MKNK1: variants seen among roughly 807,000 people sequenced by gnomAD.
MKNK1 encodes MAP kinase-interacting serine/threonine-protein kinase 1.
In MKNK1, 30 loss-of-function variants were observed where a neutral mutation model predicts 49.3. The ratio of observed to expected loss-of-function variants is 0.61; its 90% CI spans 0.46 to 0.83. The LOEUF (loss-of-function observed/expected upper bound fraction) is 0.83. Among genes scored for constraint, MKNK1 ranks in the 40% least tolerant of loss-of-function variants. The pLI is 0.00. For synonymous variants in MKNK1, 176 were observed against 201.7 expected, an observed-to-expected ratio of 0.87 and a Z score of 1.08; for missense variants, 423 against 524.7, an observed-to-expected ratio of 0.81 and a Z score of 1.89.
intron 1 of MKNK1, among the ~76,000 whole-genome samples, chr1:46,597,700 G>C (rs1216459303): frequency 6.6e-6 from 1 of 152,206 alleles, no homozygotes; most frequent in Non-Finnish European, 1.5e-5. Context: ...CCAGGGACAG[G>C]GTAGAGACTA....
chr1:46,559,474 C>T (rs1423021749), intron 12 of MKNK1, among the ~76,000 whole-genome samples: 1 of 152,190 alleles, frequency 6.6e-6, no homozygotes, highest in African/African-American at 2.4e-5. Flanking sequence ...GGCAGTCCAG[C>T]TGTAAAAGGG....
At chr1:46,563,789 T>G (rs1443355040) in intron 9 of MKNK1, among the ~76,000 whole-genome samples, 1 of 152,166 alleles carries the variant, frequency 6.6e-6, no homozygotes, top group Non-Finnish European at 1.5e-5. Context: ...CTCACGCCTG[T>G]AATCCCAGCA....
In MKNK1 at chr1:46,558,437, A is replaced by T; in HGVS notation, c.*138T>A. 1 of 855,720 alleles carries T rather than the reference A, an allele frequency of 1.2e-6. No homozygotes were observed. The highest frequency in any genetic ancestry group is 1.7e-6 in the Non-Finnish European group (1 of 575,346). The allele number at this position is 855,720 out of a possible 1,614,324, so 53.0% of individuals were successfully genotyped here. The stretch of plus-strand genomic sequence containing the variant: ...GGAAATGGGGGTTGATGGGAACCTC[A>T]GGGCCTTCGTAGATGAAAAAGCCTG... On this transcript the variant is annotated 3_prime_UTR_variant, in exon 13 of 13. Coordinates refer to ENST00000371945, the MANE Select transcript of MKNK1 (RefSeq NM_001135553.4).
intron 7 of MKNK1, chr1:46,569,484 A>C (rs997496891): frequency 4.6e-5 from 7 of 152,254 alleles, no homozygotes; most frequent in Non-Finnish European, 8.8e-5. Flanking sequence ...TGGAAGGCTG[A>C]GCAAGAGTCA....
chr1:46,587,819 A>G (rs912008193), intron 2 of MKNK1, among the ~76,000 whole-genome samples: 10 of 151,876 alleles, frequency 6.6e-5, no homozygotes, highest in African/African-American at 2.4e-4. Context: ...CTCCGTCTCA[A>G]AAAAAAAACA....
chr1:46,576,934 G>C (rs1671054971), intron 4 of MKNK1, among the ~76,000 whole-genome samples: 2 of 152,242 alleles, frequency 1.3e-5, no homozygotes, highest in African/African-American at 4.8e-5. Context: ...GGGAGACTGA[G>C]GCAGCCGGCA....
chr1:46,588,963 A>G (rs1400954163), intron 2 of MKNK1, among the ~76,000 whole-genome samples: 1 of 152,242 alleles, frequency 6.6e-6, no homozygotes, highest in Non-Finnish European at 1.5e-5. Flanking sequence ...GTTTCCTTGT[A>G]TATGAAATGA....
Position 46,594,246 on chromosome 1 carries a change from A to G in MKNK1, c.-136T>C. 1.1e-6 allele frequency: 1 copy of G among 899,164 alleles called. No homozygotes were observed. The highest frequency in any genetic ancestry group is 1.9e-6 in the Non-Finnish European group (1 of 533,234). The allele number at this position is 899,164 out of a possible 1,614,324, so 55.7% of individuals were successfully genotyped here. The stretch of plus-strand genomic sequence containing the variant: ...CAATGGCCTTTGTGCGTAGGTGGCA[A>G]TCTTCAGTTCTCCATCGGCCTCTGA... On this transcript the variant is annotated 5_prime_UTR_variant, in exon 2 of 13. Coordinates refer to ENST00000371945, the MANE Select transcript of MKNK1 (RefSeq NM_001135553.4).
Position 46,566,777 on chromosome 1 carries a change from G to A in MKNK1, c.514-1641C>T, listed in dbSNP as rs527428479. 8.3e-4 allele frequency among the ~76,000 whole-genome samples: 127 copies of A among 152,204 alleles called. 1 individual carries two copies. The highest frequency in any genetic ancestry group is 3.1e-3 in the South Asian group (15 of 4,826). The stretch of plus-strand genomic sequence containing the variant: ...TTTCATGTACTTGTTGGACATTTGT[G>A]TACCTTATTTGGAGAAATGTCTGTT... On this transcript the variant is annotated intron_variant, in intron 8 of 12. Transcript: ENST00000371945.
intron 9 of MKNK1, chr1:46,563,046 C>T (rs1570029279): frequency 1.8e-6 from 1 of 543,680 alleles, no homozygotes; most frequent in Non-Finnish European, 3.2e-6. Context: ...TTCCATCATC[C>T]AGAGGAGCAG....
intron 7 of MKNK1, 57 bp from the exon 8 acceptor site, chr1:46,568,555 CCA>C: frequency 1.3e-6 from 2 of 1,490,176 alleles, no homozygotes; most frequent in Non-Finnish European, 1.9e-6. Flanking sequence ...ATCAAACATT[CCA>C]CACACAATTA....
chr1:46,603,660 C>T lies in MKNK1; in HGVS notation c.-171+525G>A, dbSNP rs181404191. On this transcript the variant is annotated intron_variant, in intron 1 of 12. Coordinates refer to ENST00000371945, the MANE Select transcript of MKNK1 (RefSeq NM_001135553.4). ...GAGCACTTCTAACAACACTTCATTCCTGTGAGCCTGCCTGCCTCTGATCTG... is the reference window on the plus strand; with the variant it reads ...GAGCACTTCTAACAACACTTCATTCTTGTGAGCCTGCCTGCCTCTGATCTG... Among the ~76,000 whole-genome samples, 12 of 152,304 alleles carry T rather than the reference C, an allele frequency of 7.9e-5. No individual in the cohort carries two copies. The East Asian group carries it at 2.3e-3, about 29-fold the overall frequency.
At position 46,561,641 on chromosome 1, in the gene MKNK1, T is replaced by G. The variant is rs770793555; in HGVS notation, c.806A>C (p.Asn269Thr). Residue 269 changes from asparagine (N) to threonine (T), a missense_variant and splice_region_variant, in exon 11 of 13, where the codon AAC becomes ACC. Transcript: ENST00000371945. ...TTCCTGGATGCTTTCAAACAGCTTG[T>G]TCTAGGTACAAAAGATTCCTCCTGA... ...DRGEVCRVCQ[N>T]KLFESIQEGK... is the part of the protein sequence containing the mutation. 16 of 1,613,908 alleles carry G rather than the reference T, an allele frequency of 9.9e-6. No individual in the cohort carries two copies. Among genetic ancestry groups the G allele is most frequent in the Non-Finnish European group, 1.4e-5 (16 of 1,179,858 alleles).
chr1:46,587,347 G>C (rs1672721780), intron 2 of MKNK1, among the ~76,000 whole-genome samples: 1 of 152,212 alleles, frequency 6.6e-6, no homozygotes, highest in African/African-American at 2.4e-5. Flanking sequence ...GCAGCATGCT[G>C]CTTGCTGACA....
At chr1:46,571,875 G>A (rs1316822037) in intron 7 of MKNK1, among the ~76,000 whole-genome samples, 188 bp downstream of exon 7, 3 of 152,042 alleles carry the variant, frequency 2.0e-5, no homozygotes, top group Non-Finnish European at 4.4e-5. Flanking sequence ...CCCACCATCC[G>A]CAGCATAAGC....
rs147335864 is a variant in MKNK1, at chr1:46,567,796, C to T, written c.513+647G>A. Among the ~76,000 whole-genome samples, 808 of 152,296 alleles carry T rather than the reference C, an allele frequency of 5.3e-3. 9 individuals are homozygous for T. The highest frequency in any genetic ancestry group is 0.032 in the South Asian group (154 of 4,820). ...AGAATTTGTCAAATTCATACACTTC[C>T]GTTTACTTAAAGAGATCTGCTTCAC... On this transcript the variant is annotated intron_variant, in intron 8 of 12. Transcript: ENST00000371945.
chr1:46,592,434 A>C (rs1286118605), intron 2 of MKNK1, among the ~76,000 whole-genome samples: 1 of 152,134 alleles, frequency 6.6e-6, no homozygotes, highest in Non-Finnish European at 1.5e-5. Context: ...AGTTTTGGGG[A>C]CCCCCATGGT....
chr1:46,580,388 T>A (rs1020604136), intron 4 of MKNK1, 142 bp downstream of exon 4: 3 of 659,248 alleles, frequency 4.6e-6, no homozygotes, highest in Non-Finnish European at 8.1e-6. Flanking sequence ...AGGTACACAG[T>A]AAGTAGAGAA....
chr1:46,558,910 TC>T, intron 12 of MKNK1, 110 bp from the exon 13 acceptor site: 2 of 916,132 alleles, frequency 2.2e-6, no homozygotes, highest in Non-Finnish European at 3.3e-6. Flanking sequence ...CCACCAGATT[TC>T]CCAGAGCTGG....
Sources: allele counts gnomAD v4.1 joint callset (sites outside exome capture counted in the v4.1 genomes callset), GRCh38; gene constraint gnomAD v4.1.1; transcripts MANE v1.5; gene names NCBI Gene and HGNC (gene_info 2026-07-23, HGNC 2026-07-21).